GSTK1: variants seen among roughly 807,000 people sequenced by gnomAD.
GSTK1 encodes the protein GST class-kappa.
A neutral mutation model predicts 30.9 loss-of-function variants in GSTK1; 25 were observed. That is an observed-to-expected ratio of 0.81 (90% CI 0.59 to 1.13). GSTK1 has a LOEUF of 1.13. Ranked by LOEUF, GSTK1 falls within the 50% of genes most tolerant of loss-of-function variation. The pLI is 0.00. For synonymous variants in GSTK1, 108 were observed against 112.5 expected, an observed-to-expected ratio of 0.96 and a Z score of 0.25; for missense variants, 292 against 292.4, an observed-to-expected ratio of 1.00 and a Z score of 0.01.
At chr7:143,264,201 A>AGTG in intron 2 of GSTK1, 34 bp downstream of exon 2, 1 of 1,579,830 alleles carries the variant, frequency 6.3e-7, no homozygotes, top group Non-Finnish European at 8.7e-7. Flanking sequence ...GGGTGATCTC[A>AGTG]GTGGCCCAAG....
intron 4 of GSTK1, 67 bp downstream of exon 4, chr7:143,265,159 G>T: frequency 6.2e-7 from 1 of 1,611,658 alleles, no homozygotes; most frequent in Non-Finnish European, 8.5e-7. Flanking sequence ...CCCCAGGCAC[G>T]TTTTCAGGGT....
Position 143,264,483 on chromosome 7 carries a change from G to A in GSTK1, c.155-65G>A, listed in dbSNP as rs1298576701. 12 of 1,564,234 alleles carry A rather than the reference G, an allele frequency of 7.7e-6. No homozygotes were observed. In the Middle Eastern group the frequency reaches 7.0e-4, roughly 92 times the overall value. On this transcript the variant is annotated intron_variant, in intron 2 of 7. Transcript: ENST00000358406. ...CTGCCCTCTGCCCAAAACCCACGTC[G>A]AGGTCCCCAAACCTGGGACCCTTAG...
At chr7:143,264,720 A>T in intron 3 of GSTK1, 44 bp downstream of exon 3, 1 of 1,610,500 alleles carries the variant, frequency 6.2e-7, no homozygotes, top group Non-Finnish European at 8.5e-7. Flanking sequence ...TGAAAAACAC[A>T]GAAGTCGGAG....
chr7:143,267,213 G>A (rs149307438), intron 5 of GSTK1, among the ~76,000 whole-genome samples: 31 of 152,340 alleles, frequency 2.0e-4, no homozygotes, highest in Non-Finnish European at 4.1e-4. Context: ...ACTGTGAGAG[G>A]TAGGAAGGAA....
intron 5 of GSTK1, 28 bp from the exon 6 acceptor site, chr7:143,267,589 A>G (rs762599291): frequency 1.3e-6 from 2 of 1,493,904 alleles, no homozygotes; most frequent in African/African-American, 2.8e-5. Context: ...ATGCAGACAC[A>G]GTTGTATTCC....
chr7:143,264,455 A>G, intron 2 of GSTK1, 93 bp from the exon 3 acceptor site: 1 of 1,291,652 alleles, frequency 7.7e-7, no homozygotes, highest in East Asian at 2.3e-5. Context: ...AAAAAAAAGG[A>G]AGCTGCCCTC....
chr7:143,265,232 G>C, intron 4 of GSTK1, 29 bp from the exon 5 acceptor site: 1 of 1,604,844 alleles, frequency 6.2e-7, no homozygotes, highest in Non-Finnish European at 8.5e-7. Flanking sequence ...TCCCCGCACC[G>C]CCTTCCTGCT....
chr7:143,264,641 T>C lies in GSTK1; in HGVS notation c.248T>C (p.Phe83Ser). The C allele has an allele frequency of 4.3e-6, 7 of 1,613,938 alleles. No individual in the cohort carries two copies. The highest frequency in any genetic ancestry group is 5.9e-6 in the Non-Finnish European group (7 of 1,179,952). ...LRHHLQIPIH[F>S]PKDFLSVMLE... ...CACCATCTCCAGATTCCCATCCACT[T>C]CCCCAAGGATTTCTTGTCTGTGATG... The change falls in exon 3 of 8, where the codon TTC (phenylalanine) becomes TCC (serine). Residue 83 changes from phenylalanine (F) to serine (S), a missense_variant. By Grantham distance (155) the Phe-to-Ser change is radical (BLOSUM62 -2). Coordinates refer to ENST00000358406, the MANE Select transcript of GSTK1 (RefSeq NM_015917.3).
In GSTK1 at chr7:143,263,600, G is replaced by C; in HGVS notation, c.72+15G>C. ...TGGGCTTCGAGGTGACGCTGGGAGGGGTCGCCTCGGCAGTGTCTGGGGAGT... is the reference window on the plus strand; with the variant it reads ...TGGGCTTCGAGGTGACGCTGGGAGGCGTCGCCTCGGCAGTGTCTGGGGAGT... On this transcript the variant is annotated intron_variant, in intron 1 of 7. Transcript: ENST00000358406. 6.2e-7 allele frequency: 1 copy of C among 1,604,076 alleles called. No homozygotes were observed. Among genetic ancestry groups the C allele is most frequent in the Non-Finnish European group, 8.5e-7 (1 of 1,177,290 alleles).
chr7:143,265,094 T>C lies in GSTK1; in HGVS notation c.384+2T>C, dbSNP rs1416619858. 1 of 1,613,934 alleles carries C rather than the reference T, an allele frequency of 6.2e-7. No individual in the cohort carries two copies. Among genetic ancestry groups the C allele is most frequent in the Non-Finnish European group, 8.5e-7 (1 of 1,180,026 alleles). ...CTGTGGATGCGCGTCTGGTCAAGGG[T>C]GAGTGTGGGGCTCTGGGAATCCTCT... is the stretch of plus-strand genomic sequence containing the variant. On this transcript the variant is annotated splice_donor_variant, in intron 4 of 7. Transcript: ENST00000358406. LOFTEE classifies it high-confidence loss of function.
chr7:143,263,597 A>T lies in GSTK1; in HGVS notation c.72+12A>T, dbSNP rs1326829926. 6.2e-7 allele frequency: 1 copy of T among 1,604,326 alleles called. No homozygotes were observed. Among genetic ancestry groups the T allele is most frequent in the Admixed American group, 1.7e-5 (1 of 59,936 alleles). On this transcript the variant is annotated intron_variant, in intron 1 of 7. Coordinates refer to ENST00000358406, the MANE Select transcript of GSTK1 (RefSeq NM_015917.3). ...GGCTGGGCTTCGAGGTGACGCTGGG[A>T]GGGGTCGCCTCGGCAGTGTCTGGGG... is the stretch of plus-strand genomic sequence containing the variant.
intron 1 of GSTK1, 196 bp from the exon 2 acceptor site, chr7:143,263,890 G>C (rs1586423158): frequency 1.6e-6 from 1 of 611,632 alleles, no homozygotes; most frequent in Admixed American, 2.9e-5. Flanking sequence ...TGGCAGTTTT[G>C]GGGAAAACTG....
rs1377108880 is a variant in GSTK1 at position 143,263,553 on chromosome 7, G to C, written c.40G>C (p.Val14Leu). ...LPRTVELFYDVLSPYSWLGFE... is the reference protein window; with the variant it reads ...LPRTVELFYDLLSPYSWLGFE... The stretch of plus-strand genomic sequence containing the variant: ...GCGCACCGTGGAGCTCTTCTATGAC[G>C]TGCTGTCCCCCTACTCCTGGCTGGG... Residue 14 changes from valine (V) to leucine (L), a missense_variant, in exon 1 of 8, where the codon GTG becomes CTG. Transcript: ENST00000358406. The C allele has an allele frequency of 6.2e-7, 1 of 1,610,646 alleles. No homozygotes were observed. The highest frequency in any genetic ancestry group is 2.2e-5 in the East Asian group (1 of 44,884).
Position 143,268,965 on chromosome 7 carries a change from GCTGT to G in GSTK1, c.*135_*138del, listed in dbSNP as rs1178708444. ...AGAGGTATTTTCTGTGGCCCTGGGA[GCTGT>G]CTGTCTTTCCCCTACCCCCAAGGAT... On this transcript the variant is annotated 3_prime_UTR_variant, in exon 8 of 8. Transcript: ENST00000358406. The surrounding 1 kb of genome is among the most constrained non-coding windows in gnomAD (Gnocchi z 4.1). 24 of 807,218 alleles carry G rather than the reference GCTGT, an allele frequency of 3.0e-5. No individual in the cohort carries two copies. The East Asian group carries it at 5.6e-4, about 19-fold the overall frequency. 50.0% of individuals were successfully genotyped at this position (807,218 alleles called of 1,614,324 possible).
rs1193670058 is a variant in GSTK1 at position 143,264,680 on chromosome 7, AAG to A, written c.283+9_283+10del. The A allele has an allele frequency of 2.5e-6, 4 of 1,613,796 alleles. No homozygotes were observed. The East Asian group carries it at 8.9e-5, about 36-fold the overall frequency. ...TTGTCTGTGATGCTTGAAAAAGGTG[AAG>A]AGAGTGGGATGTAGACAGGGTATCC... On this transcript the variant is annotated splice_donor_5th_base_variant and intron_variant, in intron 3 of 7. Coordinates refer to ENST00000358406, the MANE Select transcript of GSTK1 (RefSeq NM_015917.3).
Position 143,263,996 on chromosome 7 carries a change from C to T in GSTK1, c.73-90C>T. On this transcript the variant is annotated intron_variant, in intron 1 of 7. Coordinates refer to ENST00000358406, the MANE Select transcript of GSTK1 (RefSeq NM_015917.3). ...ATGTAGGGTGTCCGCATAACCCCTG[C>T]TCTGCACTTAGCGCCTCCCTTCCCT... 2.4e-5 allele frequency: 27 copies of T among 1,125,124 alleles called. 1 individual carries two copies. The South Asian group carries it at 3.5e-4, about 14-fold the overall frequency. 69.7% of individuals were successfully genotyped at this position (1,125,124 alleles called of 1,614,324 possible).
Position 143,269,094 on chromosome 7 carries a change from C to A in GSTK1, c.*257C>A. The A allele has an allele frequency of 1.9e-6, 1 of 527,608 alleles. No individual in the cohort carries two copies. Among genetic ancestry groups the A allele is most frequent in the Non-Finnish European group, 3.4e-6 (1 of 292,208 alleles). 32.7% of individuals were successfully genotyped at this position (527,608 alleles called of 1,614,324 possible). ...CAATTCTGCTTTCCCACAAAATAAACCTAATGCCATCAGGCAAAACATTTC... is the reference window on the plus strand; with the variant it reads ...CAATTCTGCTTTCCCACAAAATAAAACTAATGCCATCAGGCAAAACATTTC... On this transcript the variant is annotated 3_prime_UTR_variant, in exon 8 of 8. Coordinates refer to ENST00000358406, the MANE Select transcript of GSTK1 (RefSeq NM_015917.3).
chr7:143,266,653 CTTTTTTTTTTTT>C lies in GSTK1; in HGVS notation c.421-949_421-938del, dbSNP rs35527374. ...TTCTTGTTCTTTTTTTTCTTTCTTTCTTTTTTTTTTTTTTTTTTTTTTTTTTGAGACAGTGTC... is the reference window on the plus strand; with the variant it reads ...TTCTTGTTCTTTTTTTTCTTTCTTTCTTTTTTTTTTTTTTGAGACAGTGTC... On this transcript the variant is annotated intron_variant, in intron 5 of 7. Transcript: ENST00000358406. 2.2e-4 allele frequency among the ~76,000 whole-genome samples: 14 copies of C among 63,322 alleles called. No individual in the cohort carries two copies. In the East Asian group the frequency reaches 4.0e-3, roughly 18 times the overall value. 41.5% of individuals were successfully genotyped at this position (63,322 alleles called of 152,430 possible).
At position 143,268,598 on chromosome 7, in the gene GSTK1, T is replaced by C. The variant is rs564797752; in HGVS notation, c.632-190T>C. Among the ~76,000 whole-genome samples, 4 of 152,294 alleles carry C rather than the reference T, an allele frequency of 2.6e-5. No homozygotes were observed. The highest frequency in any genetic ancestry group is 2.6e-4 in the Admixed American group (4 of 15,302). On this transcript the variant is annotated intron_variant, in intron 7 of 7. Coordinates refer to ENST00000358406, the MANE Select transcript of GSTK1 (RefSeq NM_015917.3). This position sits in a 1 kb window ranked among gnomAD's most constrained non-coding sequence, Gnocchi z 4.1. ...CTTGGCACTTCCAGTAACAAAGCGT[T>C]ATGCAGTCAGTGCTGTTCAAGGTTG...
Sources: gnomAD v4.1 joint callset for allele counts (sites outside exome capture counted in the v4.1 genomes callset) on GRCh38, gnomAD v4.1.1 for gene constraint, Gnocchi (gnomAD v3.1) non-coding constraint, MANE v1.5 for transcripts, NCBI Gene and HGNC (gene_info 2026-07-23, HGNC 2026-07-21) for gene names.